Variants in LRRIQ3 observed in about 807,000 individuals in gnomAD.
The protein encoded by LRRIQ3 is leucine-rich repeat and IQ domain-containing protein 3.
A neutral mutation model predicts 59.3 loss-of-function variants in LRRIQ3; 75 were observed. The observed-to-expected ratio is 1.26, with a 90% CI of 1.05 to 1.53. The LOEUF (loss-of-function observed/expected upper bound fraction) is 1.53, where lower values mean the gene tolerates loss of function less well. Among genes scored for constraint, LRRIQ3 ranks in the 40% most tolerant of loss-of-function variants. LRRIQ3 has a pLI of 0.00. For synonymous variants in LRRIQ3, 250 were observed against 231.3 expected, an observed-to-expected ratio of 1.08 and a Z score of -0.73; for missense variants, 831 against 710.0, an observed-to-expected ratio of 1.17 and a Z score of -1.94.
intron 6 of LRRIQ3, among the ~76,000 whole-genome samples, chr1:74,068,785 T>C (rs1654939488): frequency 6.6e-6 from 1 of 151,848 alleles, no homozygotes; most frequent in African/African-American, 2.4e-5. Flanking sequence ...TTTTATATCC[T>C]AGACTAAAAT....
intron 1 of LRRIQ3, among the ~76,000 whole-genome samples, chr1:74,190,195 G>A (rs1379941376): frequency 6.6e-6 from 1 of 152,140 alleles, no homozygotes; most frequent in Non-Finnish European, 1.5e-5. Context: ...AGATGTCAGG[G>A]ATGTTGGAAA....
chr1:74,078,240 A>G (rs925487632), intron 5 of LRRIQ3, among the ~76,000 whole-genome samples: 2 of 151,856 alleles, frequency 1.3e-5, no homozygotes, highest in African/African-American at 4.8e-5. Context: ...AAATGATGCC[A>G]AGCTGAAGGG....
rs1427198238 is a variant in LRRIQ3 at position 74,084,069 on chromosome 1, C to T, written c.868-9279G>A. On this transcript the variant is annotated intron_variant, in intron 5 of 7. Transcript: ENST00000354431. ...CAACTTTACACTTATCTTGTGTGTA[C>T]AGCTGATATCCCTAGTGTCCAATCA... The T allele has an allele frequency of 4.9e-5, 52 of 1,054,638 alleles. 1 individual carries two copies. The South Asian group carries it at 8.5e-4, about 17-fold the overall frequency. 65.3% of individuals were successfully genotyped at this position (1,054,638 alleles called of 1,614,324 possible).
intron 6 of LRRIQ3, among the ~76,000 whole-genome samples, chr1:74,056,803 C>T (rs1223588434): frequency 6.6e-6 from 1 of 152,100 alleles, no homozygotes; most frequent in Non-Finnish European, 1.5e-5. Context: ...TATGTGTCCC[C>T]AACCAAGTCT....
At chr1:74,168,345 C>T (rs2100694084) in intron 3 of LRRIQ3, among the ~76,000 whole-genome samples, 1 of 152,158 alleles carries the variant, frequency 6.6e-6, no homozygotes, top group Non-Finnish European at 1.5e-5. Context: ...CTCTCTCCAC[C>T]TCTGATAATT....
At chr1:74,062,446 A>T (rs1654747690) in intron 6 of LRRIQ3, among the ~76,000 whole-genome samples, 1 of 152,168 alleles carries the variant, frequency 6.6e-6, no homozygotes, top group Non-Finnish European at 1.5e-5. Context: ...AGGCTTATAC[A>T]CTGCTGATGG....
chr1:74,198,170 C>T lies in LRRIQ3; in HGVS notation c.-175G>A, dbSNP rs886151973. The T allele has an allele frequency of 2.5e-5, 38 of 1,526,448 alleles. No individual in the cohort carries two copies. The highest frequency in any genetic ancestry group is 3.3e-5 in the Non-Finnish European group (37 of 1,137,794). 94.6% of individuals were successfully genotyped at this position (1,526,448 alleles called of 1,614,324 possible). A position where few individuals can be genotyped will look rare whatever the true frequency, so the allele number is the denominator to read the frequency against. ...GGCGCCAGCCAAGGCGCTCCGGGGG[C>T]GTGGTTACGTGGGCGACGCACGGAG... On this transcript the variant is annotated 5_prime_UTR_variant, in exon 1 of 8. Transcript: ENST00000354431.
In LRRIQ3 at chr1:74,050,303, A is replaced by AT. The variant is rs558286923; in HGVS notation, c.998-8371dup. ...TCCAGCCATAACTTCCACAAACTGA[A>AT]TTTTTTGACACAAAGGCAACAAAAT... On this transcript the variant is annotated intron_variant, in intron 6 of 7. Coordinates refer to ENST00000354431, the MANE Select transcript of LRRIQ3 (RefSeq NM_001105659.2). Among the ~76,000 whole-genome samples the AT allele has an allele frequency of 3.8e-3, 576 of 152,210 alleles. 5 individuals carry two copies. The highest frequency in any genetic ancestry group is 0.013 in the African/African-American group (546 of 41,548).
At chr1:74,083,417 A>C (rs1646293530) in intron 5 of LRRIQ3, 1 of 151,478 alleles carries the variant, frequency 6.6e-6, no homozygotes, top group Non-Finnish European at 1.5e-5. Context: ...GCTTATTTTA[A>C]GTTCTTAAGC....
At chr1:74,196,259 T>A (rs1021678425) in intron 1 of LRRIQ3, among the ~76,000 whole-genome samples, 1 of 152,172 alleles carries the variant, frequency 6.6e-6, no homozygotes, top group Non-Finnish European at 1.5e-5. Context: ...AACACATCAC[T>A]CTGTTTGTCT....
intron 7 of LRRIQ3, among the ~76,000 whole-genome samples, chr1:74,033,043 A>C (rs769826660): frequency 7.9e-5 from 12 of 152,046 alleles, no homozygotes; most frequent in Non-Finnish European, 1.3e-4. Context: ...TCTTGTTGAG[A>C]AGGAGAGGCC....
Position 74,041,627 on chromosome 1 carries a change from T to C in LRRIQ3, c.1304A>G (p.Tyr435Cys), listed in dbSNP as rs1654048517. Residue 435 changes from tyrosine to cysteine, a missense_variant, in exon 7 of 8, where the codon TAC (tyrosine) becomes TGC (cysteine). Physicochemically the swap from Tyr to Cys is radical, Grantham distance 194. Transcript: ENST00000354431. ...KYYTEQKKQE[Y>C]HKEKVRVVAM... Reference sequence around the variant, plus strand: ...TACAACTCTTACTTTTTCTTTATGGTATTCCTGCTTCTTTTGTTCTGTGTA... The same window carrying C: ...TACAACTCTTACTTTTTCTTTATGGCATTCCTGCTTCTTTTGTTCTGTGTA... The C allele has an allele frequency of 6.2e-7, 1 of 1,613,830 alleles. No homozygotes were observed. The highest frequency in any genetic ancestry group is 8.5e-7 in the Non-Finnish European group (1 of 1,179,874).
intron 6 of LRRIQ3, among the ~76,000 whole-genome samples, chr1:74,042,409 A>G (rs1376558833): frequency 6.6e-6 from 1 of 152,070 alleles, no homozygotes; most frequent in African/African-American, 2.4e-5. Context: ...AAACAGCTTG[A>G]TTGGTTATGG....
chr1:74,139,185 G>A (rs1214364014), intron 4 of LRRIQ3, among the ~76,000 whole-genome samples: 2 of 149,626 alleles, frequency 1.3e-5, no homozygotes, highest in African/African-American at 2.5e-5. Context: ...AATGTAAAAT[G>A]TTAGGCTGTA....
At chr1:74,162,207 T>C (rs1383411907) in intron 3 of LRRIQ3, among the ~76,000 whole-genome samples, 1 of 151,900 alleles carries the variant, frequency 6.6e-6, no homozygotes, top group African/African-American at 2.4e-5. Context: ...AAGGGACTTC[T>C]ACATACATTA....
chr1:74,041,226 T>C lies in LRRIQ3; in HGVS notation c.1705A>G (p.Met569Val), dbSNP rs1419378343. The C allele has an allele frequency of 1.3e-6, 2 of 1,577,534 alleles. No homozygotes were observed. Among genetic ancestry groups the C allele is most frequent in the Admixed American group, 1.9e-5 (1 of 52,612 alleles). Residue 569 changes from methionine to valine, a missense_variant, in exon 7 of 8, where the codon ATG (methionine) becomes GTG (valine). Coordinates refer to ENST00000354431, the MANE Select transcript of LRRIQ3 (RefSeq NM_001105659.2). ...AATTGTACCTACCTAACTTTTTTCA[T>C]TTCTTTAAGTAAATTCTTTCTATAT... Reference protein sequence around the residue: ...EKYRKNLLKEMKKVRSQEIYK... With the variant: ...EKYRKNLLKEVKKVRSQEIYK...
At chr1:74,100,417 C>T (rs1646513291) in intron 5 of LRRIQ3, among the ~76,000 whole-genome samples, 1 of 152,130 alleles carries the variant, frequency 6.6e-6, no homozygotes, top group African/African-American at 2.4e-5. Context: ...AGGACACAAA[C>T]AAATGGAAGA....
At chr1:74,051,381 A>T (rs1654365023) in intron 6 of LRRIQ3, among the ~76,000 whole-genome samples, 1 of 152,150 alleles carries the variant, frequency 6.6e-6, no homozygotes, top group Non-Finnish European at 1.5e-5. Context: ...CAATGATGTG[A>T]CTGTTAGTGA....
chr1:74,120,051 A>T (rs184557347), intron 4 of LRRIQ3, among the ~76,000 whole-genome samples: 1 of 152,010 alleles, frequency 6.6e-6, no homozygotes, highest in East Asian at 1.9e-4. Flanking sequence ...GTATTTATTT[A>T]TATATGTTCA....
Sources: gnomAD v4.1 joint callset for allele counts (sites outside exome capture counted in the v4.1 genomes callset) on GRCh38, gnomAD v4.1.1 for gene constraint, MANE v1.5 for transcripts, NCBI Gene and HGNC (gene_info 2026-07-23, HGNC 2026-07-21) for gene names.